The following MICALL2 variants were observed in gnomAD, a reference collection of about 807,000 sequenced individuals.
The protein encoded by MICALL2 is MICAL-like protein 2.
MICALL2 carries 111 observed loss-of-function variants against 91.1 expected under a neutral mutation model. The observed-to-expected ratio is 1.22, with a 90% confidence interval of 1.04 to 1.43. MICALL2 has a LOEUF of 1.43. Ranked by LOEUF, MICALL2 falls within the 40% of genes most tolerant of loss-of-function variation. MICALL2 has a pLI of 0.00. For missense variants in MICALL2, 1,556 were observed against 1,236.0 expected (o/e 1.26, Z -3.88); for synonymous variants, 694 against 525.3 (o/e 1.32, Z -4.39).
rs773253835 is a variant in MICALL2 at position 1,450,221 on chromosome 7, CG to C, written c.192+18del. The C allele has an allele frequency of 2.5e-6, 4 of 1,610,328 alleles. 1 individual carries two copies. In the South Asian group the frequency reaches 4.4e-5, roughly 18 times the overall value. On this transcript the variant is annotated intron_variant, in intron 2 of 16. Coordinates refer to ENST00000297508, the MANE Select transcript of MICALL2 (RefSeq NM_182924.4). The stretch of plus-strand genomic sequence containing the variant: ...AGGCTGGCTAAGCCAGCTGTGAGGC[CG>C]GGGCGGGGGCCACTCACCAGTTTAT...
Position 1,438,202 on chromosome 7 carries a change from A to G in MICALL2, c.2206T>C (p.Ser736Pro), listed in dbSNP as rs752089900. ...SPVRLHPDYL[S>P]PEEIQRQLQD... Reference sequence around the variant, plus strand: ...AGCTGCCTCTGTATCTCCTCCGGGGAGAGGTAGTCGGGGTGCAGCTGGGAA... The same window carrying G: ...AGCTGCCTCTGTATCTCCTCCGGGGGGAGGTAGTCGGGGTGCAGCTGGGAA... Residue 736 changes from serine (S) to proline (P), a missense_variant, in exon 12 of 17, where the codon TCC becomes CCC. By Grantham distance (74) the Ser-to-Pro change is moderately conservative. Transcript: ENST00000297508. The G allele has an allele frequency of 1.7e-5, 27 of 1,583,670 alleles. No homozygotes were observed. In the East Asian group the frequency reaches 6.2e-4, roughly 36 times the overall value.
chr7:1,436,463 G>A (rs893989352), intron 15 of MICALL2, among the ~76,000 whole-genome samples: 1 of 145,766 alleles, frequency 6.9e-6, no homozygotes, highest in African/African-American at 2.6e-5. Context: ...TGAGGCAAGA[G>A]AATCATTTGA....
rs755294931 is a variant in MICALL2, at chr7:1,445,263, G to A, written c.807C>T (p.Thr269=). Residue 269 remains threonine, a synonymous_variant, in exon 6 of 17, where the codon ACC becomes ACT. Coordinates refer to ENST00000297508, the MANE Select transcript of MICALL2 (RefSeq NM_182924.4). ...QPGAMGVDSR[T]SCSPQKAQEA... Reference sequence around the variant, plus strand: ...CCTGGGCCTTCTGTGGGGAACAGGAGGTCCTGGAATCCACACCCATGGCCC... The same window carrying A: ...CCTGGGCCTTCTGTGGGGAACAGGAAGTCCTGGAATCCACACCCATGGCCC... The A allele has an allele frequency of 6.2e-7, 1 of 1,612,458 alleles. No individual in the cohort carries two copies. Among genetic ancestry groups the A allele is most frequent in the Admixed American group, 1.7e-5 (1 of 60,002 alleles).
At chr7:1,439,152 C>A in intron 9 of MICALL2, 157 bp from the exon 10 acceptor site, 1 of 615,064 alleles carries the variant, frequency 1.6e-6, no homozygotes, top group Non-Finnish European at 2.8e-6. Context: ...AGCCCTACAC[C>A]CACGTCCTGC....
intron 9 of MICALL2, 67 bp downstream of exon 9, chr7:1,439,858 G>A: frequency 7.4e-7 from 1 of 1,347,820 alleles, no homozygotes; most frequent in Non-Finnish European, 9.6e-7. Flanking sequence ...TCCAGTCCCG[G>A]GGCCCCCACC....
intron 1 of MICALL2, among the ~76,000 whole-genome samples, chr7:1,457,987 C>G (rs1781078758): frequency 6.6e-6 from 1 of 152,280 alleles, no homozygotes; most frequent in Non-Finnish European, 1.5e-5. Flanking sequence ...TTGTGCCCAG[C>G]ATCTTCTGCC....
At chr7:1,438,486 C>T (rs1391661608) in intron 10 of MICALL2, 133 bp from the exon 11 acceptor site, 2 of 1,476,722 alleles carry the variant, frequency 1.4e-6, no homozygotes, top group Admixed American at 2.2e-5. Context: ...GCCCCACACG[C>T]CCACTGGACT....
intron 7 of MICALL2, 72 bp from the exon 8 acceptor site, chr7:1,440,756 G>A: frequency 2.3e-6 from 3 of 1,277,370 alleles, no homozygotes; most frequent in East Asian, 2.3e-5. Flanking sequence ...GGGTGGCTGT[G>A]CCTCCCCCTG....
rs559182056 is a variant in MICALL2 at position 1,453,146 on chromosome 7, G to GC, written c.144-2859dup. ...GGAGACCCCACTCGTGTCTCCAGGA[G>GC]CCCCCCAAGAAAATGACACATTGGA... On this transcript the variant is annotated intron_variant, in intron 1 of 16. Transcript: ENST00000297508. Among the ~76,000 whole-genome samples, 519 of 152,062 alleles carry GC rather than the reference G, an allele frequency of 3.4e-3. 4 individuals are homozygous for GC. The highest frequency in any genetic ancestry group is 5.8e-3 in the Non-Finnish European group (395 of 67,976).
intron 5 of MICALL2, among the ~76,000 whole-genome samples, chr7:1,446,042 T>C (rs1191271148): frequency 1.7e-5 from 2 of 116,426 alleles, no homozygotes; most frequent in East Asian, 2.4e-4. Context: ...AGGAGGCATC[T>C]GGACGGGGGC....
chr7:1,457,720 C>T (rs1392915504), intron 1 of MICALL2, among the ~76,000 whole-genome samples: 2 of 152,246 alleles, frequency 1.3e-5, no homozygotes, highest in South Asian at 2.1e-4. Context: ...CCCAAATCTC[C>T]GGCGACACCA....
In MICALL2 at chr7:1,437,886, T is replaced by C; in HGVS notation, c.2402+4A>G. Reference sequence around the variant, plus strand: ...CGAGGAGGGGCCCACGGCTGGGCTCTCACTTGTACATCAGCTCTGACTCCT... The same window carrying C: ...CGAGGAGGGGCCCACGGCTGGGCTCCCACTTGTACATCAGCTCTGACTCCT... On this transcript the variant is annotated splice_donor_region_variant and intron_variant, in intron 13 of 16. Transcript: ENST00000297508. The C allele has an allele frequency of 6.5e-7, 1 of 1,548,622 alleles. No homozygotes were observed. Among genetic ancestry groups the C allele is most frequent in the Non-Finnish European group, 8.7e-7 (1 of 1,146,638 alleles).
In MICALL2 at chr7:1,438,104, G is replaced by C. The variant is rs370557290; in HGVS notation, c.2304C>G (p.Ala768=). 6.4e-7 allele frequency: 1 copy of C among 1,566,540 alleles called. No individual in the cohort carries two copies. The highest frequency in any genetic ancestry group is 1.4e-5 in the African/African-American group (1 of 74,000). The part of the protein sequence containing the change: ...GVELEKRLRA[A]EGDDAEDSLM... ...CCAGGCCGAGGCGCTCACCTCCCTC[G>C]GCCGCCCGCAGTCGCTTCTCCAGCT... The change falls in exon 12 of 17, where the codon GCC becomes GCG. Residue 768 remains alanine (A), a synonymous_variant. Coordinates refer to ENST00000297508, the MANE Select transcript of MICALL2 (RefSeq NM_182924.4).
In MICALL2 at chr7:1,445,265, T is replaced by A. The variant is rs1780519380; in HGVS notation, c.805A>T (p.Thr269Ser). 3 of 1,612,368 alleles carry A rather than the reference T, an allele frequency of 1.9e-6. No individual in the cohort carries two copies. In the African/African-American group the frequency reaches 4.0e-5, roughly 21 times the overall value. The part of the protein sequence containing the change: ...QPGAMGVDSR[T>S]SCSPQKAQEA... ...TGGGCCTTCTGTGGGGAACAGGAGG[T>A]CCTGGAATCCACACCCATGGCCCCT... The change falls in exon 6 of 17, where the codon ACC (threonine) becomes TCC (serine). Residue 269 changes from threonine (T) to serine (S), a missense_variant. Coordinates refer to ENST00000297508, the MANE Select transcript of MICALL2 (RefSeq NM_182924.4).
At chr7:1,438,689 C>G in intron 10 of MICALL2, 151 bp downstream of exon 10, 1 of 1,466,770 alleles carries the variant, frequency 6.8e-7, no homozygotes, top group Non-Finnish European at 9.0e-7. Context: ...TGAGGGCGGG[C>G]CTGGGGCACG....
intron 1 of MICALL2, among the ~76,000 whole-genome samples, chr7:1,455,782 C>T (rs1194693253): frequency 6.6e-6 from 1 of 151,834 alleles, no homozygotes; most frequent in African/African-American, 2.4e-5. Flanking sequence ...GGACTAAGGC[C>T]AGACAAAGGG....
chr7:1,440,687 G>A lies in MICALL2; in HGVS notation c.1712-3C>T, dbSNP rs554551961. The stretch of plus-strand genomic sequence containing the variant: ...TTCCTGGAGGCTGGTGCTCATGTCT[G>A]GGTGGGAGGCAAGGGGTCTGGGTGT... On this transcript the variant is annotated splice_region_variant and splice_polypyrimidine_tract_variant and intron_variant, in intron 7 of 16. Transcript: ENST00000297508. The A allele has an allele frequency of 6.2e-7, 1 of 1,610,674 alleles. No homozygotes were observed. The highest frequency in any genetic ancestry group is 8.5e-7 in the Non-Finnish European group (1 of 1,179,436).
chr7:1,442,682 C>A (rs964694442), intron 6 of MICALL2, among the ~76,000 whole-genome samples, 198 bp from the exon 7 acceptor site: 1 of 139,994 alleles, frequency 7.1e-6, no homozygotes, highest in African/African-American at 2.5e-5. Flanking sequence ...ACCATTGCAC[C>A]AGGCTGCCCC....
At chr7:1,458,521 C>T (rs1427810118) in intron 1 of MICALL2, among the ~76,000 whole-genome samples, 1 of 152,234 alleles carries the variant, frequency 6.6e-6, no homozygotes, top group East Asian at 1.9e-4. Flanking sequence ...GGTCCAGGCT[C>T]GGGCCAAGAT....
Sources: gnomAD v4.1 joint callset for allele counts (sites outside exome capture counted in the v4.1 genomes callset) on GRCh38, gnomAD v4.1.1 for gene constraint, MANE v1.5 for transcripts, NCBI Gene and HGNC (gene_info 2026-07-23, HGNC 2026-07-21) for gene names.